The following ARHGAP32 variants were observed in gnomAD, a reference collection of about 807,000 sequenced individuals.
ARHGAP32 encodes the protein rho GTPase-activating protein 32.
A neutral mutation model predicts 186.5 loss-of-function variants in ARHGAP32; 51 were observed. The observed-to-expected ratio is 0.27, with a 90% CI of 0.22 to 0.35. ARHGAP32 has a LOEUF of 0.35. Among genes scored for constraint, ARHGAP32 ranks in the 10% least tolerant of loss-of-function variants. The probability of loss-of-function intolerance (pLI) is 1.00; values close to 1 mark genes in which losing one functional copy is unlikely to be tolerated. For synonymous variants in ARHGAP32, 950 were observed against 964.3 expected (o/e 0.99, Z 0.27); for missense variants, 2,186 against 2,623.5 (o/e 0.83, Z 3.64).
intron 12 of ARHGAP32, 38 bp from the exon 13 acceptor site, chr11:128,988,163 T>C: frequency 6.8e-7 from 1 of 1,479,534 alleles, no homozygotes; most frequent in Non-Finnish European, 9.4e-7. Context: ...GAAATTGTAG[T>C]ATTCACTGGA....
chr11:129,155,216 T>C (rs1943373614), intron 2 of ARHGAP32, among the ~76,000 whole-genome samples: 1 of 152,224 alleles, frequency 6.6e-6, no homozygotes, highest in Non-Finnish European at 1.5e-5. Flanking sequence ...TGGCACACTA[T>C]ACAGTATCAA....
At chr11:129,015,238 C>T (rs1938279910) in intron 11 of ARHGAP32, among the ~76,000 whole-genome samples, 1 of 152,108 alleles carries the variant, frequency 6.6e-6, no homozygotes, top group Admixed American at 6.5e-5. Context: ...TCTCTAGAGA[C>T]CAGTTTTAGG....
intron 1 of ARHGAP32, among the ~76,000 whole-genome samples, chr11:129,166,703 G>GA (rs985747634): frequency 2.3e-4 from 35 of 151,050 alleles, no homozygotes; most frequent in Non-Finnish European, 4.9e-4. Context: ...AATGAAAGCT[G>GA]AAAAAAACTA....
At chr11:129,006,530 G>A (rs576327523) in intron 11 of ARHGAP32, among the ~76,000 whole-genome samples, 1 of 152,276 alleles carries the variant, frequency 6.6e-6, no homozygotes, top group East Asian at 1.9e-4. Context: ...GCATTCTCTG[G>A]ATTACCGGTC....
chr11:129,039,796 G>A (rs927264890), intron 11 of ARHGAP32, among the ~76,000 whole-genome samples: 1 of 152,136 alleles, frequency 6.6e-6, no homozygotes, highest in Non-Finnish European at 1.5e-5. Context: ...TACGAATGAA[G>A]ATTTACCAAA....
chr11:129,158,538 C>T (rs1314108915), intron 2 of ARHGAP32, among the ~76,000 whole-genome samples: 1 of 152,050 alleles, frequency 6.6e-6, no homozygotes, highest in Non-Finnish European at 1.5e-5. Flanking sequence ...GCACCCAATA[C>T]AGGAGCACTC....
chr11:129,182,404 T>C (rs1421087437), intron 1 of ARHGAP32, among the ~76,000 whole-genome samples: 1 of 152,154 alleles, frequency 6.6e-6, no homozygotes, highest in Non-Finnish European at 1.5e-5. Flanking sequence ...TCATCTGTAA[T>C]ATGAGTTTCA....
intron 5 of ARHGAP32, among the ~76,000 whole-genome samples, chr11:129,095,635 C>T (rs1453400877): frequency 6.6e-6 from 1 of 152,184 alleles, no homozygotes; most frequent in East Asian, 1.9e-4. Flanking sequence ...TGAAGGCACT[C>T]AGGACACTCA....
At chr11:129,204,610 C>T (rs576808280) in intron 1 of ARHGAP32, among the ~76,000 whole-genome samples, 15 of 152,254 alleles carry the variant, frequency 9.9e-5, no homozygotes, top group Non-Finnish European at 1.6e-4. Context: ...TGGTTTGAGA[C>T]TGAAGTAATT....
At chr11:129,083,516 T>C (rs1941287618) in intron 6 of ARHGAP32, among the ~76,000 whole-genome samples, 1 of 152,130 alleles carries the variant, frequency 6.6e-6, no homozygotes, top group African/African-American at 2.4e-5. Flanking sequence ...GGAGCTAAGC[T>C]ATGAGGACAC....
chr11:129,270,136 G>C (rs913628050), intron 1 of ARHGAP32, among the ~76,000 whole-genome samples: 1 of 151,258 alleles, frequency 6.6e-6, no homozygotes, highest in African/African-American at 2.4e-5. Flanking sequence ...GCAGGTGAAT[G>C]AATAAATAAA....
rs552321654 is a variant in ARHGAP32 at position 129,042,547 on chromosome 11, A to AT, written c.964-1539dup. On this transcript the variant is annotated intron_variant, in intron 10 of 22. Coordinates refer to ENST00000682385, the MANE Select transcript of ARHGAP32 (RefSeq NM_001378024.1). Reference sequence around the variant, plus strand: ...TAAGAGTCAACTTAAAAAAATCTTCATTTTTTTTTCTTACACAAGTCAGTT... The same window carrying AT: ...TAAGAGTCAACTTAAAAAAATCTTCATTTTTTTTTTCTTACACAAGTCAGTT... Among the ~76,000 whole-genome samples, 645 of 151,254 alleles carry AT rather than the reference A, an allele frequency of 4.3e-3. 3 individuals carry two copies. Among genetic ancestry groups the AT allele is most frequent in the African/African-American group, 0.014 (575 of 41,238 alleles).
intron 1 of ARHGAP32, among the ~76,000 whole-genome samples, chr11:129,251,150 C>G (rs1169157740): frequency 6.6e-6 from 1 of 152,192 alleles, no homozygotes; most frequent in African/African-American, 2.4e-5. Context: ...CACTAAGTAA[C>G]TCCAAAGGTG....
At chr11:129,224,359 G>A (rs1944751885) in intron 1 of ARHGAP32, among the ~76,000 whole-genome samples, 1 of 152,134 alleles carries the variant, frequency 6.6e-6, no homozygotes, top group Non-Finnish European at 1.5e-5. Flanking sequence ...TACATTTATT[G>A]AGGTTTAAGT....
At chr11:129,099,616 A>T (rs1379782349) in intron 5 of ARHGAP32, among the ~76,000 whole-genome samples, 1 of 152,236 alleles carries the variant, frequency 6.6e-6, no homozygotes, top group Non-Finnish European at 1.5e-5. Flanking sequence ...TTCCATGCAA[A>T]TTGAAACCAA....
At chr11:129,071,532 G>T (rs1010604050) in intron 6 of ARHGAP32, among the ~76,000 whole-genome samples, 1 of 151,998 alleles carries the variant, frequency 6.6e-6, no homozygotes, top group Non-Finnish European at 1.5e-5. Flanking sequence ...CCGTCAAAAT[G>T]GCTATTATCA....
At position 129,129,361 on chromosome 11, in the gene ARHGAP32, G is replaced by A. The variant is rs796981916; in HGVS notation, c.226-4467C>T. 1.8e-4 allele frequency among the ~76,000 whole-genome samples: 27 copies of A among 151,794 alleles called. No individual in the cohort carries two copies. The South Asian group carries it at 3.8e-3, about 21-fold the overall frequency. ...AGCCCCTCCGCCCGGCAGCCGCCCC[G>A]TCTGGGAAGTGAGGAGCCCCTCCGC... On this transcript the variant is annotated intron_variant, in intron 2 of 22. Transcript: ENST00000682385.
At chr11:129,048,364 T>C (rs1019007465) in intron 10 of ARHGAP32, among the ~76,000 whole-genome samples, 1 of 152,072 alleles carries the variant, frequency 6.6e-6, no homozygotes, top group African/African-American at 2.4e-5. Context: ...AGAGGTCTAG[T>C]AGAGGAGGGT....
At chr11:129,149,614 A>G (rs1392172704) in intron 2 of ARHGAP32, among the ~76,000 whole-genome samples, 1 of 152,212 alleles carries the variant, frequency 6.6e-6, no homozygotes, top group Non-Finnish European at 1.5e-5. Context: ...GGATCACCCC[A>G]TGGGACAAGG....
Sources: gnomAD v4.1 joint callset for allele counts (sites outside exome capture counted in the v4.1 genomes callset) on GRCh38, gnomAD v4.1.1 for gene constraint, MANE v1.5 for transcripts, NCBI Gene and HGNC (gene_info 2026-07-23, HGNC 2026-07-21) for gene names.